NUP88: variants seen among roughly 807,000 people sequenced by gnomAD.
NUP88 encodes nuclear pore complex protein Nup88.
Under a neutral mutation model 93.9 loss-of-function variants are expected in NUP88, and 57 were observed. That is an observed-to-expected ratio of 0.61 (90% CI 0.49 to 0.76). The LOEUF (loss-of-function observed/expected upper bound fraction) is 0.76, where lower values mean the gene tolerates loss of function less well. NUP88 is among the 30% of genes least tolerant of loss of function. The pLI is 0.00. For missense variants in NUP88, 911 were observed against 901.0 expected, an observed-to-expected ratio of 1.01 and a Z score of -0.14; for synonymous variants, 346 against 336.8, an observed-to-expected ratio of 1.03 and a Z score of -0.30.
intron 16 of NUP88, 82 bp downstream of exon 16, chr17:5,386,626 T>G: frequency 3.2e-6 from 3 of 933,802 alleles, no homozygotes; most frequent in Non-Finnish European, 5.3e-6. Context: ...AGATTCAGGT[T>G]TCTATTAAGA....
intron 9 of NUP88, among the ~76,000 whole-genome samples, chr17:5,392,512 T>C (rs576782538): frequency 5.9e-5 from 9 of 152,182 alleles, no homozygotes; most frequent in Non-Finnish European, 1.2e-4. Context: ...ATCTGGAAGG[T>C]TGTAAACTTT....
chr17:5,411,539 C>T (rs750717431), intron 3 of NUP88, among the ~76,000 whole-genome samples: 1 of 149,952 alleles, frequency 6.7e-6, no homozygotes, highest in African/African-American at 2.5e-5. Context: ...CAAGATCACG[C>T]CACTGCACTC....
rs368234444 is a variant in NUP88, at chr17:5,387,809, T to G, written c.1739A>C (p.Gln580Pro). The change falls in exon 12 of 17, where the codon CAG becomes CCG. Residue 580 changes from glutamine (Q) to proline (P), a missense_variant. Physicochemically the swap from Gln to Pro is moderately conservative, Grantham distance 76. Coordinates refer to ENST00000573584, the MANE Select transcript of NUP88 (RefSeq NM_002532.6). The stretch of plus-strand genomic sequence containing the variant: ...CTGAATCTCCTCCTTTGCCAAGTCC[T>G]GTTTGAGAATGTACTGCTCTCTGAA... ...QVFREQYILK[Q>P]DLAKEEIQRR... The G allele has an allele frequency of 9.3e-6, 15 of 1,612,828 alleles. No individual in the cohort carries two copies. The highest frequency in any genetic ancestry group is 1.3e-5 in the Non-Finnish European group (15 of 1,179,752).
At position 5,408,713 on chromosome 17, in the gene NUP88, G is replaced by A. The variant is rs371993516; in HGVS notation, c.857+20C>T. 6.4e-7 allele frequency: 1 copy of A among 1,558,964 alleles called. No individual in the cohort carries two copies. On this transcript the variant is annotated intron_variant, in intron 5 of 16. Transcript: ENST00000573584. ...CCCAAACTGAGTTTTCATTTCAGGT[G>A]GGTGACCACCTCAACTTACCTGTGT...
intron 7 of NUP88, among the ~76,000 whole-genome samples, chr17:5,400,139 T>TG (rs199804588): frequency 9.0e-6 from 1 of 111,614 alleles, no homozygotes; most frequent in Non-Finnish European, 1.7e-5. Context: ...CTTTCATTTG[T>TG]TAAAAAAAAA....
chr17:5,413,950 G>C, intron 3 of NUP88, 59 bp downstream of exon 3: 1 of 1,581,750 alleles, frequency 6.3e-7, no homozygotes, highest in Non-Finnish European at 8.7e-7. Context: ...CTGTTAATTG[G>C]CAAACAGAAA....
In NUP88 at chr17:5,387,637, T is replaced by G; in HGVS notation, c.1803A>C (p.Gln601His). The G allele has an allele frequency of 6.2e-7, 1 of 1,613,338 alleles. No individual in the cohort carries two copies. The highest frequency in any genetic ancestry group is 1.1e-5 in the South Asian group (1 of 91,026). The change falls in exon 13 of 17, where the codon CAA becomes CAC. Residue 601 changes from glutamine to histidine, a missense_variant. Transcript: ENST00000573584. The part of the protein sequence containing the change: ...VKLLCDQKKK[Q>H]LEDLSYCREE... ...CTCGACAATAACTGAGATCTTCTAG[T>G]TGTTTCTTTTTTTGGTCACATAATA...
At chr17:5,419,316 C>G (rs774899404) in intron 1 of NUP88, 38 bp downstream of exon 1, 17 of 1,515,320 alleles carry the variant, frequency 1.1e-5, no homozygotes, top group Non-Finnish European at 1.5e-5. Flanking sequence ...TGGTTCCGAT[C>G]CCGGTGAGGG....
In NUP88 at chr17:5,386,778, T is replaced by G; in HGVS notation, c.2092A>C (p.Ser698Arg). 1 of 1,614,032 alleles carries G rather than the reference T, an allele frequency of 6.2e-7. No homozygotes were observed. Among genetic ancestry groups the G allele is most frequent in the Non-Finnish European group, 8.5e-7 (1 of 1,179,870 alleles). The change falls in exon 16 of 17, where the codon AGT (serine) becomes CGT (arginine). Residue 698 changes from serine (S) to arginine (R), a missense_variant. Coordinates refer to ENST00000573584, the MANE Select transcript of NUP88 (RefSeq NM_002532.6). ...AGAATAATGGTGGGTTTTGGAAGAC[T>G]CAACACCTTCTCCATCTTTTGCTGT... Reference protein sequence around the residue: ...YQQQKMEKVLSLPKPTIILSA... With the variant: ...YQQQKMEKVLRLPKPTIILSA...
chr17:5,410,419 A>C (rs1401207482), intron 4 of NUP88, among the ~76,000 whole-genome samples: 1 of 152,212 alleles, frequency 6.6e-6, no homozygotes, highest in African/African-American at 2.4e-5. Context: ...ATATTATCTT[A>C]GTTTCTTTAT....
At chr17:5,397,459 C>G (rs981256345) in intron 8 of NUP88, among the ~76,000 whole-genome samples, 1 of 152,078 alleles carries the variant, frequency 6.6e-6, no homozygotes, top group Non-Finnish European at 1.5e-5. Flanking sequence ...GGACTCAACC[C>G]AGCCCACTGT....
intron 7 of NUP88, among the ~76,000 whole-genome samples, chr17:5,401,536 T>C (rs1049717736): frequency 2.0e-5 from 3 of 152,250 alleles, no homozygotes; most frequent in Non-Finnish European, 2.9e-5. Context: ...TTAGTGACTT[T>C]ATCATAAATT....
At chr17:5,395,126 G>C in intron 8 of NUP88, 145 bp from the exon 9 acceptor site, 7 of 601,614 alleles carry the variant, frequency 1.2e-5, no homozygotes, top group Non-Finnish European at 1.8e-5. Context: ...ATAGGCATAC[G>C]CTTTCCCAGG....
Position 5,387,391 on chromosome 17 carries a change from C to G in NUP88, c.1911G>C (p.Met637Ile). The G allele has an allele frequency of 6.2e-7, 1 of 1,613,336 alleles. No individual in the cohort carries two copies. Among genetic ancestry groups the G allele is most frequent in the Non-Finnish European group, 8.5e-7 (1 of 1,179,298 alleles). The change falls in exon 14 of 17, where the codon ATG (methionine) becomes ATC (isoleucine). Residue 637 changes from methionine (M) to isoleucine (I), a missense_variant. Transcript: ENST00000573584. Reference sequence around the variant, plus strand: ...ATGTTATACAGCCCACTGACCTGTTCATGATATCCTCTTGTTTTTCTTTAG... The same window carrying G: ...ATGTTATACAGCCCACTGACCTGTTGATGATATCCTCTTGTTTTTCTTTAG... The part of the protein sequence containing the change: ...EEAKEKQEDI[M>I]NRMKKLLHSF...
intron 2 of NUP88, among the ~76,000 whole-genome samples, chr17:5,416,188 T>C (rs199912022): frequency 1.5e-3 from 195 of 126,094 alleles, no homozygotes; most frequent in African/African-American, 4.0e-3. Context: ...TATACACACA[T>C]ACACACACAC....
In NUP88 at chr17:5,387,619, A is replaced by G. The variant is rs1464086074; in HGVS notation, c.1821T>C (p.Tyr607=). The change falls in exon 13 of 17, where the codon TAT becomes TAC. Residue 607 remains tyrosine, a synonymous_variant. Transcript: ENST00000573584. ...QKKKQLEDLS[Y]CREERKSLRE... is the part of the protein sequence containing the mutation. ...TTGACACTTACCTCTCTTCTCGACA[A>G]TAACTGAGATCTTCTAGTTGTTTCT... 2 of 1,613,318 alleles carry G rather than the reference A, an allele frequency of 1.2e-6. No individual in the cohort carries two copies. Among genetic ancestry groups the G allele is most frequent in the African/African-American group, 1.3e-5 (1 of 74,974 alleles).
At position 5,385,566 on chromosome 17, in the gene NUP88, C is replaced by T. The variant is rs1597309374; in HGVS notation, c.*640G>A. ...ATTCTGCATACTAACCTATTTTTTT[C>T]TCCCTTTAAGGTGCTAAACTTGCAC... is the stretch of plus-strand genomic sequence containing the variant. On this transcript the variant is annotated 3_prime_UTR_variant, in exon 17 of 17. Coordinates refer to ENST00000573584, the MANE Select transcript of NUP88 (RefSeq NM_002532.6). The T allele has an allele frequency of 4.3e-6, 1 of 230,950 alleles. No individual in the cohort carries two copies. Among genetic ancestry groups the T allele is most frequent in the Non-Finnish European group, 8.6e-6 (1 of 116,672 alleles). The allele number at this position is 230,950 out of a possible 1,614,324, so 14.3% of individuals were successfully genotyped here. A position where few individuals can be genotyped will look rare whatever the true frequency, so the allele number is the denominator to read the frequency against.
Position 5,391,456 on chromosome 17 carries a change from TA to T in NUP88, c.1484+104del, listed in dbSNP as rs1242203876. 4.7e-6 allele frequency: 4 copies of T among 843,600 alleles called. No individual in the cohort carries two copies. The African/African-American group carries it at 6.7e-5, about 14-fold the overall frequency. The allele number at this position is 843,600 out of a possible 1,614,324, so 52.3% of individuals were successfully genotyped here. A position where few individuals can be genotyped will look rare whatever the true frequency, so the allele number is the denominator to read the frequency against. The stretch of plus-strand genomic sequence containing the variant: ...AACCCTCAAGTCAGAAGCCAAAGTA[TA>T]AACCACACATGTATAGCTTCAAGTT... On this transcript the variant is annotated intron_variant, in intron 10 of 16. Coordinates refer to ENST00000573584, the MANE Select transcript of NUP88 (RefSeq NM_002532.6).
chr17:5,419,278 G>A (rs954369482), intron 1 of NUP88, 76 bp downstream of exon 1: 1 of 1,440,452 alleles, frequency 6.9e-7, no homozygotes, highest in Non-Finnish European at 9.2e-7. Context: ...ATGAAAAACA[G>A]CCAAGAGGAG....
Sources: allele counts gnomAD v4.1 joint callset (sites outside exome capture counted in the v4.1 genomes callset), GRCh38; gene constraint gnomAD v4.1.1; transcripts MANE v1.5; gene names NCBI Gene and HGNC (gene_info 2026-07-23, HGNC 2026-07-21).